Variants in SGCZ observed in about 807,000 individuals in gnomAD.
The protein encoded by SGCZ is zeta-sarcoglycan.
In SGCZ, 40 loss-of-function variants were observed where a neutral mutation model predicts 41.3. The ratio of observed to expected loss-of-function variants is 0.97; its 90% CI spans 0.75 to 1.26. The LOEUF (loss-of-function observed/expected upper bound fraction) is 1.26. Ranked by LOEUF, SGCZ falls within the 50% of genes most tolerant of loss-of-function variation. SGCZ has a pLI of 0.00. For missense variants in SGCZ, 552 were observed against 369.8 expected (o/e 1.49, Z -4.04); for synonymous variants, 206 against 137.5 (o/e 1.50, Z -3.49).
At chr8:14,854,653 T>A (rs1803477583) in intron 1 of SGCZ, among the ~76,000 whole-genome samples, 1 of 152,206 alleles carries the variant, frequency 6.6e-6, no homozygotes, top group Admixed American at 6.5e-5. Context: ...TAGTTTGGTG[T>A]TAAACAGTAG....
chr8:14,373,385 G>C (rs1803982242), intron 2 of SGCZ, among the ~76,000 whole-genome samples: 1 of 152,184 alleles, frequency 6.6e-6, no homozygotes, highest in Non-Finnish European at 1.5e-5. Flanking sequence ...AAATTCAAAA[G>C]AGAGATATGG....
chr8:14,378,858 G>A (rs144007366), intron 2 of SGCZ, among the ~76,000 whole-genome samples: 292 of 152,078 alleles, frequency 1.9e-3, no homozygotes, highest in African/African-American at 6.4e-3. Flanking sequence ...GACGTGTGAG[G>A]AAAAACAAGT....
chr8:14,463,458 C>G (rs1176301592), intron 2 of SGCZ, among the ~76,000 whole-genome samples: 4 of 148,056 alleles, frequency 2.7e-5, no homozygotes, highest in Middle Eastern at 7.1e-3. Context: ...GAAGTTGAAC[C>G]CTTACTTAAT....
intron 1 of SGCZ, among the ~76,000 whole-genome samples, chr8:14,984,536 T>C (rs1046401864): frequency 6.6e-6 from 1 of 152,152 alleles, no homozygotes; most frequent in Non-Finnish European, 1.5e-5. Flanking sequence ...TTTTTCCTTC[T>C]ATAAAGCGTG....
chr8:14,450,436 G>C lies in SGCZ; in HGVS notation c.234+104296C>G, dbSNP rs371404544. On this transcript the variant is annotated intron_variant, in intron 2 of 7. Transcript: ENST00000382080. Reference sequence around the variant, plus strand: ...ACATAAAGGGTCAGGAGGGTAATGAGCAGTATTGAATTAACTTGAAAGTGT... The same window carrying C: ...ACATAAAGGGTCAGGAGGGTAATGACCAGTATTGAATTAACTTGAAAGTGT... Among the ~76,000 whole-genome samples the C allele has an allele frequency of 7.2e-5, 11 of 152,304 alleles. No homozygotes were observed. In the South Asian group the frequency reaches 1.9e-3, roughly 26 times the overall value.
chr8:14,106,356 C>A (rs1030150039), intron 6 of SGCZ, among the ~76,000 whole-genome samples: 1 of 152,046 alleles, frequency 6.6e-6, no homozygotes, highest in African/African-American at 2.4e-5. Flanking sequence ...ATGCTGTTTA[C>A]ACACACTCCT....
At position 14,449,473 on chromosome 8, in the gene SGCZ, T is replaced by A. The variant is rs140158016; in HGVS notation, c.234+105259A>T. On this transcript the variant is annotated intron_variant, in intron 2 of 7. Transcript: ENST00000382080. ...CAGTTTGTACTTCTATCATGCCCAT[T>A]GCTACCATACACTTAATGACATAAT... Among the ~76,000 whole-genome samples the A allele has an allele frequency of 2.7e-3, 413 of 152,270 alleles. 5 individuals carry two copies. The highest frequency in any genetic ancestry group is 9.2e-3 in the African/African-American group (384 of 41,564).
chr8:14,882,232 CACA>C (rs1286912877), intron 1 of SGCZ, among the ~76,000 whole-genome samples: 33 of 152,142 alleles, frequency 2.2e-4, no homozygotes, highest in Non-Finnish European at 4.6e-4. Flanking sequence ...ATTATCTGCT[CACA>C]ACATTTTCAG....
At chr8:14,573,695 C>A (rs1458177094) in intron 1 of SGCZ, among the ~76,000 whole-genome samples, 4 of 152,158 alleles carry the variant, frequency 2.6e-5, no homozygotes, top group East Asian at 1.9e-4. Flanking sequence ...GTAAAAAATT[C>A]TTTTAAATGC....
Position 14,749,284 on chromosome 8 carries a change from C to T in SGCZ, c.40-194358G>A, listed in dbSNP as rs1247104717. On this transcript the variant is annotated intron_variant, in intron 1 of 7. Transcript: ENST00000382080. ...CCACACTATATCAAGTTAGAATGGCCGCCAGAGTTCCCTGCTCTGTTTCCC... is the reference window on the plus strand; with the variant it reads ...CCACACTATATCAAGTTAGAATGGCTGCCAGAGTTCCCTGCTCTGTTTCCC... Among the ~76,000 whole-genome samples, 13 of 152,054 alleles carry T rather than the reference C, an allele frequency of 8.5e-5. No homozygotes were observed. The East Asian group carries it at 2.3e-3, about 27-fold the overall frequency.
At chr8:14,702,913 GTAGT>G (rs1396103763) in intron 1 of SGCZ, among the ~76,000 whole-genome samples, 34 of 145,040 alleles carry the variant, frequency 2.3e-4, no homozygotes, top group South Asian at 6.8e-4. Flanking sequence ...AGACAGGTAG[GTAGT>G]TAGGTAGGTA....
chr8:14,684,769 T>A lies in SGCZ; in HGVS notation c.40-129843A>T, dbSNP rs116937612. On this transcript the variant is annotated intron_variant, in intron 1 of 7. Coordinates refer to ENST00000382080, the MANE Select transcript of SGCZ (RefSeq NM_139167.4). ...CATATATAAAATTGCTGCAAAGAAG[T>A]CTTTCCTTTCAAAAAAAAATCTACA... Among the ~76,000 whole-genome samples, 439 of 151,930 alleles carry A rather than the reference T, an allele frequency of 2.9e-3. 2 individuals carry two copies. Among genetic ancestry groups the A allele is most frequent in the Non-Finnish European group, 5.6e-3 (380 of 67,952 alleles).
intron 1 of SGCZ, among the ~76,000 whole-genome samples, chr8:14,924,568 C>A (rs1284880460): frequency 6.6e-6 from 1 of 151,732 alleles, no homozygotes; most frequent in Non-Finnish European, 1.5e-5. Context: ...CTATTTACAT[C>A]AGAAGCTTAT....
At chr8:14,771,109 T>A (rs1297339790) in intron 1 of SGCZ, among the ~76,000 whole-genome samples, 1 of 152,076 alleles carries the variant, frequency 6.6e-6, no homozygotes, top group Non-Finnish European at 1.5e-5. Flanking sequence ...TGGTGTAGTG[T>A]AAGGATTTGG....
intron 1 of SGCZ, among the ~76,000 whole-genome samples, chr8:14,915,283 T>G (rs369251094): frequency 1.1e-4 from 17 of 152,204 alleles, no homozygotes; most frequent in African/African-American, 3.1e-4. Context: ...TAATTCAACT[T>G]GGAAGATTAA....
At chr8:14,741,107 A>C (rs943495207) in intron 1 of SGCZ, among the ~76,000 whole-genome samples, 1 of 152,082 alleles carries the variant, frequency 6.6e-6, no homozygotes, top group Non-Finnish European at 1.5e-5. Flanking sequence ...AACAGAAATT[A>C]AAACCAGGAA....
chr8:14,130,768 A>G (rs1037662468), intron 5 of SGCZ, among the ~76,000 whole-genome samples: 5 of 152,204 alleles, frequency 3.3e-5, no homozygotes, highest in African/African-American at 1.2e-4. Flanking sequence ...CTGTGCCAAT[A>G]GAAAAAGGGA....
intron 2 of SGCZ, among the ~76,000 whole-genome samples, chr8:14,456,392 G>T (rs1056851082): frequency 1.3e-5 from 2 of 152,116 alleles, no homozygotes; most frequent in Non-Finnish European, 2.9e-5. Flanking sequence ...TGCGCAAGAA[G>T]AGTGAAACTC....
At chr8:14,577,363 TAAGAAAGAA>T (rs1331991751) in intron 1 of SGCZ, among the ~76,000 whole-genome samples, 4 of 146,328 alleles carry the variant, frequency 2.7e-5, no homozygotes, top group Non-Finnish European at 6.0e-5. Context: ...TTACATGAAA[TAAGAAAGAA>T]AAGAAATATA....
Sources: allele counts gnomAD v4.1 joint callset (sites outside exome capture counted in the v4.1 genomes callset), GRCh38; gene constraint gnomAD v4.1.1; transcripts MANE v1.5; gene names NCBI Gene and HGNC (gene_info 2026-07-23, HGNC 2026-07-21).